Variants in FHIT observed in about 807,000 individuals in gnomAD.
The protein encoded by FHIT is bis(5'-adenosyl)-triphosphatase.
A neutral mutation model predicts 17.9 loss-of-function variants in FHIT; 19 were observed. The ratio of observed to expected loss-of-function variants is 1.06; its 90% CI spans 0.74 to 1.56. The LOEUF (loss-of-function observed/expected upper bound fraction) is 1.56. Among genes scored for constraint, FHIT ranks in the 40% most tolerant of loss-of-function variants. The pLI is 0.00. For synonymous variants in FHIT, 81 were observed against 69.7 expected, an observed-to-expected ratio of 1.16 and a Z score of -0.81; for missense variants, 248 against 189.2, an observed-to-expected ratio of 1.31 and a Z score of -1.82.
chr3:60,280,984 C>A (rs115842916), intron 5 of FHIT, among the ~76,000 whole-genome samples: 45 of 2,630 alleles, frequency 0.017, 1 homozygote, highest in African/African-American at 0.033. Flanking sequence ...GCAACTGCAG[C>A]AATGTTTCAG....
At chr3:59,993,491 C>T (rs778357316) in intron 7 of FHIT, among the ~76,000 whole-genome samples, 7 of 151,976 alleles carry the variant, frequency 4.6e-5, no homozygotes, top group East Asian at 3.9e-4. Flanking sequence ...GGAGAATTTA[C>T]GAAACCTCAA....
intron 8 of FHIT, among the ~76,000 whole-genome samples, chr3:59,781,455 C>T (rs1055661590): frequency 6.6e-6 from 1 of 152,156 alleles, no homozygotes; most frequent in African/African-American, 2.4e-5. Flanking sequence ...TTAAGCAACT[C>T]CTAAGGCTTC....
intron 3 of FHIT, among the ~76,000 whole-genome samples, chr3:60,931,711 T>A (rs1371144230): frequency 6.6e-6 from 1 of 152,252 alleles, no homozygotes; most frequent in Admixed American, 6.5e-5. Context: ...TTTTCAGGTT[T>A]ATCTCTGGGA....
At chr3:60,936,017 T>C (rs1204714203) in intron 3 of FHIT, among the ~76,000 whole-genome samples, 1 of 152,326 alleles carries the variant, frequency 6.6e-6, no homozygotes, top group Non-Finnish European at 1.5e-5. Flanking sequence ...GAAACTTTTT[T>C]CTGTTGTGGC....
chr3:59,923,593 G>T (rs1320163666), intron 7 of FHIT, among the ~76,000 whole-genome samples: 2 of 152,112 alleles, frequency 1.3e-5, no homozygotes, highest in African/African-American at 4.8e-5. Flanking sequence ...TACCTCGGCT[G>T]AAGTTAAACC....
chr3:60,855,557 C>T (rs1026537421), intron 3 of FHIT, among the ~76,000 whole-genome samples: 28 of 152,134 alleles, frequency 1.8e-4, no homozygotes, highest in Non-Finnish European at 2.9e-4. Context: ...CCCTGGGATC[C>T]TCTACCTCCT....
At chr3:60,326,469 G>A (rs899845469) in intron 5 of FHIT, among the ~76,000 whole-genome samples, 1 of 16,260 alleles carries the variant, frequency 6.2e-5, no homozygotes, top group African/African-American at 2.8e-4. Context: ...ACAGGAGGCA[G>A]AGCTCAGGCA....
chr3:61,127,830 AC>A (rs1319719832), intron 2 of FHIT, among the ~76,000 whole-genome samples: 1 of 152,150 alleles, frequency 6.6e-6, no homozygotes, highest in Non-Finnish European at 1.5e-5. Context: ...AGATCATGCC[AC>A]TGCACTCCAG....
chr3:60,552,705 A>G (rs1191609884), intron 4 of FHIT, among the ~76,000 whole-genome samples: 3 of 152,154 alleles, frequency 2.0e-5, no homozygotes, highest in Non-Finnish European at 4.4e-5. Context: ...CTTCTGCTCC[A>G]GAGCTCTTTA....
chr3:60,529,918 C>T (rs1190916867), intron 5 of FHIT, among the ~76,000 whole-genome samples: 1 of 152,076 alleles, frequency 6.6e-6, no homozygotes, highest in Non-Finnish European at 1.5e-5. Context: ...GAATTACATT[C>T]TGTGTAGATC....
At chr3:59,770,641 A>C (rs1007484060) in intron 8 of FHIT, among the ~76,000 whole-genome samples, 5 of 152,194 alleles carry the variant, frequency 3.3e-5, no homozygotes, top group Non-Finnish European at 4.4e-5. Context: ...CTGTAAAACG[A>C]CAAATTTCCA....
At position 60,878,697 on chromosome 3, in the gene FHIT, T is replaced by A. The variant is rs369910690; in HGVS notation, c.-110-56686A>T. ...ATGTTCCCCTTCCTGTGTCCATGTG[T>A]TCTCATTGTTCAATTCCCACCTATG... On this transcript the variant is annotated intron_variant, in intron 3 of 9. Transcript: ENST00000492590. Among the ~76,000 whole-genome samples the A allele has an allele frequency of 4.4e-4, 67 of 152,152 alleles. 2 individuals carry two copies. The East Asian group carries it at 7.6e-3, about 17-fold the overall frequency.
chr3:60,552,988 G>A (rs2107628657), intron 4 of FHIT, among the ~76,000 whole-genome samples: 1 of 152,276 alleles, frequency 6.6e-6, no homozygotes, highest in South Asian at 2.1e-4. Flanking sequence ...GAGTGAGAAG[G>A]TATGTAGAGT....
At chr3:59,916,175 G>C (rs1470301986) in intron 8 of FHIT, among the ~76,000 whole-genome samples, 1 of 152,166 alleles carries the variant, frequency 6.6e-6, no homozygotes, top group Non-Finnish European at 1.5e-5. Flanking sequence ...AAAGCAGGCA[G>C]AAAGTGGAAA....
In FHIT at chr3:59,802,168, C is replaced by T. The variant is rs981020911; in HGVS notation, c.349-49847G>A. ...TTAAAAGATTTAAAAAATAATTAGA[C>T]TTGTATTAAAAAAAAAAAATGTGTA... On this transcript the variant is annotated intron_variant, in intron 8 of 9. Coordinates refer to ENST00000492590, the MANE Select transcript of FHIT (RefSeq NM_002012.4). Among the ~76,000 whole-genome samples the T allele has an allele frequency of 1.0e-4, 12 of 115,266 alleles. No homozygotes were observed. In the Admixed American group the frequency reaches 1.2e-3, roughly 11 times the overall value. The allele number at this position is 115,266 out of a possible 152,430, so 75.6% of individuals were successfully genotyped here.
chr3:60,125,487 C>A (rs1705499636), intron 5 of FHIT, among the ~76,000 whole-genome samples: 1 of 151,812 alleles, frequency 6.6e-6, no homozygotes, highest in African/African-American at 2.4e-5. Flanking sequence ...CAGAAATAAG[C>A]CAGGTGTGGT....
intron 1 of FHIT, among the ~76,000 whole-genome samples, chr3:61,239,859 A>G (rs2040332448): frequency 6.6e-6 from 1 of 150,734 alleles, no homozygotes; most frequent in South Asian, 2.1e-4. Context: ...AAAATCTGAA[A>G]TCTTTTTATT....
chr3:59,894,187 G>A (rs540351539), intron 8 of FHIT, among the ~76,000 whole-genome samples: 1 of 152,154 alleles, frequency 6.6e-6, no homozygotes, highest in Non-Finnish European at 1.5e-5. Flanking sequence ...CAAGGCTGCA[G>A]TGAGCCATGA....
intron 2 of FHIT, among the ~76,000 whole-genome samples, chr3:61,148,697 A>G (rs756874823): frequency 2.0e-5 from 3 of 152,204 alleles, no homozygotes; most frequent in Non-Finnish European, 2.9e-5. Flanking sequence ...AGCATATGCA[A>G]TAATTTCTCT....
Sources: allele counts gnomAD v4.1 joint callset (sites outside exome capture counted in the v4.1 genomes callset), GRCh38; gene constraint gnomAD v4.1.1; transcripts MANE v1.5; gene names NCBI Gene and HGNC (gene_info 2026-07-23, HGNC 2026-07-21).